The following ATP13A1 variants were observed in gnomAD, a reference collection of about 807,000 sequenced individuals.
ATP13A1 encodes the protein ATPase 13A1.
Under a neutral mutation model 134.8 loss-of-function variants are expected in ATP13A1, and 55 were observed. The ratio of observed to expected loss-of-function variants is 0.41; its 90% CI spans 0.33 to 0.51. ATP13A1 has a LOEUF of 0.51. Among genes scored for constraint, ATP13A1 ranks in the 20% least tolerant of loss-of-function variants. ATP13A1 has a pLI of 0.29. For missense variants in ATP13A1, 1,389 were observed against 1,652.8 expected (o/e 0.84, Z 2.77); for synonymous variants, 775 against 725.1 (o/e 1.07, Z -1.10).
rs752979959 is a variant in ATP13A1, at chr19:19,647,499, G to A, written c.2823C>T (p.Leu941=). 7 of 1,612,988 alleles carry A rather than the reference G, an allele frequency of 4.3e-6. No individual in the cohort carries two copies. Among genetic ancestry groups the A allele is most frequent in the Admixed American group, 3.3e-5 (2 of 59,868 alleles). The change falls in exon 21 of 26, where the codon CTC becomes CTT. Residue 941 remains leucine (L), a synonymous_variant. Coordinates refer to ENST00000357324, the MANE Select transcript of ATP13A1 (RefSeq NM_020410.3). The surrounding 1 kb of genome is among the most constrained non-coding windows in gnomAD (Gnocchi z 4.8). ...RDRLSQVLRD[L]EDESTPIVKL... is the part of the protein sequence containing the mutation. ...TCACAATGGGCGTACTCTCGTCCTC[G>A]AGGTCTCGCAGCACCTGGCTCAGGC...
chr19:19,645,271 G>T lies in ATP13A1; in HGVS notation c.*151C>A. On this transcript the variant is annotated 3_prime_UTR_variant, in exon 26 of 26. Coordinates refer to ENST00000357324, the MANE Select transcript of ATP13A1 (RefSeq NM_020410.3). The surrounding 1 kb of genome is among the most constrained non-coding windows in gnomAD (Gnocchi z 4.1). The stretch of plus-strand genomic sequence containing the variant: ...GGCTGGTTCTGCTGGCCAAGCCAGC[G>T]GATGGCTGTGGGGGTCCCAGCTCAG... 1.2e-6 allele frequency: 1 copy of T among 836,104 alleles called. No homozygotes were observed. Among genetic ancestry groups the T allele is most frequent in the Non-Finnish European group, 1.9e-6 (1 of 536,664 alleles). 51.8% of individuals were successfully genotyped at this position (836,104 alleles called of 1,614,324 possible). A position where few individuals can be genotyped will look rare whatever the true frequency, so the allele number is the denominator to read the frequency against.
chr19:19,656,886 C>A lies in ATP13A1; in HGVS notation c.937G>T (p.Ala313Ser), dbSNP rs1316698214. The change falls in exon 6 of 26, where the codon GCC (alanine) becomes TCC (serine). Residue 313 changes from alanine to serine, a missense_variant. Physicochemically the swap from Ala to Ser is moderately conservative, Grantham distance 99. Transcript: ENST00000357324. This position sits in a 1 kb window ranked among gnomAD's most constrained non-coding sequence, Gnocchi z 4.6. Reference protein sequence around the residue: ...VYRSRKWRPIASDEIVPGDIV... With the variant: ...VYRSRKWRPISSDEIVPGDIV... ...TCCCCTGGTACGATCTCATCACTGGCAATGGGCCTCCACTTGCGGCTTCGG... is the reference window on the plus strand; with the variant it reads ...TCCCCTGGTACGATCTCATCACTGGAAATGGGCCTCCACTTGCGGCTTCGG... 1.2e-6 allele frequency: 2 copies of A among 1,612,512 alleles called. No homozygotes were observed. Among genetic ancestry groups the A allele is most frequent in the Non-Finnish European group, 1.7e-6 (2 of 1,179,390 alleles).
At position 19,647,736 on chromosome 19, in the gene ATP13A1, G is replaced by A. The variant is rs766437544; in HGVS notation, c.2656C>T (p.Pro886Ser). 1.2e-6 allele frequency: 2 copies of A among 1,604,002 alleles called. No homozygotes were observed. The highest frequency in any genetic ancestry group is 2.7e-5 in the African/African-American group (2 of 74,830). The change falls in exon 20 of 26, where the codon CCT becomes TCT. Residue 886 changes from proline (P) to serine (S), a missense_variant. Around this residue, in one of 4 missense-constraint regions of ATP13A1, gnomAD observed 121 missense variants for 104.9 expected, o/e 1.15. Transcript: ENST00000357324. This position sits in a 1 kb window ranked among gnomAD's most constrained non-coding sequence, Gnocchi z 4.8. ...CGTCGCCGCTCGACAACCCGCTCAG[G>A]GGCATTGGCCAAGAGCGCCACACCT... is the stretch of plus-strand genomic sequence containing the variant. ...DVGVALLANA[P>S]ERVVERRRRP...
Position 19,647,948 on chromosome 19 carries a change from T to G in ATP13A1, c.2633-189A>C, listed in dbSNP as rs551012853. On this transcript the variant is annotated intron_variant, in intron 19 of 25. Transcript: ENST00000357324. The surrounding 1 kb of genome is among the most constrained non-coding windows in gnomAD (Gnocchi z 4.8). ...CCGTGTTGCTTTCTACAAACTACTT[T>G]AAGAAAACAAACCACCAACAATAAA... Among the ~76,000 whole-genome samples, 1 of 152,206 alleles carries G rather than the reference T, an allele frequency of 6.6e-6. No individual in the cohort carries two copies. Among genetic ancestry groups the G allele is most frequent in the African/African-American group, 2.4e-5 (1 of 41,516 alleles).
rs552212810 is a variant in ATP13A1, at chr19:19,645,748, C to G, written c.3403G>C (p.Val1135Leu). 6.2e-7 allele frequency: 1 copy of G among 1,606,088 alleles called. No individual in the cohort carries two copies. The highest frequency in any genetic ancestry group is 1.3e-5 in the African/African-American group (1 of 74,836). ...MESLPENKPL[V>L]WSLAVSLLAI... ...AGGAGTGAAACTGCCAGACTCCACA[C>G]CAGGGGCTTGTTCTCGGGCAGGCTC... The change falls in exon 25 of 26, where the codon GTG becomes CTG. Residue 1135 changes from valine to leucine, a missense_variant. This residue lies in a region of ATP13A1 where 228 missense variants were observed against 321.0 expected (regional missense o/e 0.71). Transcript: ENST00000357324. This position sits in a 1 kb window ranked among gnomAD's most constrained non-coding sequence, Gnocchi z 4.1.
At position 19,647,061 on chromosome 19, in the gene ATP13A1, C is replaced by T. The variant is rs1232132538; in HGVS notation, c.3105+68G>A. 8.1e-6 allele frequency: 12 copies of T among 1,489,690 alleles called. No individual in the cohort carries two copies. Among genetic ancestry groups the T allele is most frequent in the East Asian group, 4.5e-5 (2 of 44,066 alleles). The allele number at this position is 1,489,690 out of a possible 1,614,324, so 92.3% of individuals were successfully genotyped here. On this transcript the variant is annotated intron_variant, in intron 22 of 25. Transcript: ENST00000357324. This position sits in a 1 kb window ranked among gnomAD's most constrained non-coding sequence, Gnocchi z 4.8. ...CCTGTAACTTGGGGATGACAATTCC[C>T]GTGCCTATATCAGCCTGGCCCTGGC...
chr19:19,655,015 G>C lies in ATP13A1; in HGVS notation c.1655+104C>G. ...GAAATGAACCCGAGGCAGGGCCTCT[G>C]ACGGGCCCTCACTGCAAGGGCTTGG... On this transcript the variant is annotated intron_variant, in intron 12 of 25. Transcript: ENST00000357324. The surrounding 1 kb of genome is among the most constrained non-coding windows in gnomAD (Gnocchi z 5.7). The C allele has an allele frequency of 6.7e-7, 1 of 1,498,676 alleles. No homozygotes were observed. The highest frequency in any genetic ancestry group is 1.3e-5 in the South Asian group (1 of 79,184). The allele number at this position is 1,498,676 out of a possible 1,614,324, so 92.8% of individuals were successfully genotyped here.
At chr19:19,646,926 G>T (rs974344195) in intron 22 of ATP13A1, 2 of 605,208 alleles carry the variant, frequency 3.3e-6, no homozygotes, top group Non-Finnish European at 5.7e-6. Context: ...GGACAGGTGT[G>T]GACGCCAAGC....
Position 19,649,671 on chromosome 19 carries a change from G to A in ATP13A1, c.2536-8C>T, listed in dbSNP as rs1157252177. The A allele has an allele frequency of 1.2e-6, 2 of 1,613,848 alleles. No individual in the cohort carries two copies. Among genetic ancestry groups the A allele is most frequent in the East Asian group, 2.2e-5 (1 of 44,886 alleles). ...GCTGGTGATGACAAACTCCTGTATG[G>A]GCGGAGACAGGCTGAGCAGGGGCTG... is the stretch of plus-strand genomic sequence containing the variant. On this transcript the variant is annotated splice_region_variant and splice_polypyrimidine_tract_variant and intron_variant, in intron 18 of 25. Coordinates refer to ENST00000357324, the MANE Select transcript of ATP13A1 (RefSeq NM_020410.3).
In ATP13A1 at chr19:19,648,187, C is replaced by T. The variant is rs531104722; in HGVS notation, c.2633-428G>A. Reference sequence around the variant, plus strand: ...TACAAAAATTAGCCAGGGGTGGTGGCATGTGCCTGTAATTCCAGCTACTCG... The same window carrying T: ...TACAAAAATTAGCCAGGGGTGGTGGTATGTGCCTGTAATTCCAGCTACTCG... On this transcript the variant is annotated intron_variant, in intron 19 of 25. Transcript: ENST00000357324. Among the ~76,000 whole-genome samples, 132 of 152,118 alleles carry T rather than the reference C, an allele frequency of 8.7e-4. 1 individual carries two copies. Among genetic ancestry groups the T allele is most frequent in the Non-Finnish European group, 1.8e-3 (120 of 68,018 alleles).
At chr19:19,646,614 G>T in intron 22 of ATP13A1, 1 of 524,198 alleles carries the variant, frequency 1.9e-6, no homozygotes, top group East Asian at 3.3e-5. Context: ...AGCAGATCCT[G>T]CCCTCCCTGG....
At chr19:19,646,615 C>T (rs1042213328) in intron 22 of ATP13A1, 2 of 535,774 alleles carry the variant, frequency 3.7e-6, no homozygotes, top group African/African-American at 3.8e-5. Context: ...GCAGATCCTG[C>T]CCTCCCTGGA....
Position 19,651,672 on chromosome 19 carries a change from C to T in ATP13A1, c.2335+17G>A, listed in dbSNP as rs1345811049. Reference sequence around the variant, plus strand: ...CAGGGTCCCCCTTCCCCACTGTGGGCCAGGCTAGGGCCTCACCTTTCTCGG... The same window carrying T: ...CAGGGTCCCCCTTCCCCACTGTGGGTCAGGCTAGGGCCTCACCTTTCTCGG... On this transcript the variant is annotated intron_variant, in intron 17 of 25. Coordinates refer to ENST00000357324, the MANE Select transcript of ATP13A1 (RefSeq NM_020410.3). 6.3e-7 allele frequency: 1 copy of T among 1,596,326 alleles called. No homozygotes were observed.
At position 19,656,871 on chromosome 19, in the gene ATP13A1, C is replaced by A; in HGVS notation, c.952G>T (p.Val318Leu). ...CCGATGGAGACGATGTCCCCTGGTA[C>A]GATCTCATCACTGGCAATGGGCCTC... ...KWRPIASDEI[V>L]PGDIVSIGRS... is the part of the protein sequence containing the mutation. The change falls in exon 6 of 26, where the codon GTA (valine) becomes TTA (leucine). Residue 318 changes from valine (V) to leucine (L), a missense_variant. Val to Leu is a conservative substitution (Grantham distance 32, BLOSUM62 1). Transcript: ENST00000357324. The surrounding 1 kb of genome is among the most constrained non-coding windows in gnomAD (Gnocchi z 4.6). 1 of 1,612,554 alleles carries A rather than the reference C, an allele frequency of 6.2e-7. No individual in the cohort carries two copies. Among genetic ancestry groups the A allele is most frequent in the Non-Finnish European group, 8.5e-7 (1 of 1,179,400 alleles).
Position 19,647,484 on chromosome 19 carries a change from C to T in ATP13A1, c.2838G>A (p.Thr946=), listed in dbSNP as rs768506622. 44 of 1,613,240 alleles carry T rather than the reference C, an allele frequency of 2.7e-5. 2 individuals are homozygous for T. The South Asian group carries it at 3.5e-4, about 13-fold the overall frequency. Residue 946 remains threonine (T), a synonymous_variant, in exon 21 of 26, where the codon ACG becomes ACA. Transcript: ENST00000357324. The surrounding 1 kb of genome is among the most constrained non-coding windows in gnomAD (Gnocchi z 4.8). ...TGGCATCCCCCAGTTTCACAATGGG[C>T]GTACTCTCGTCCTCGAGGTCTCGCA... ...QVLRDLEDES[T]PIVKLGDASI... is the part of the protein sequence containing the mutation.
chr19:19,658,466 G>A (rs1208174805), intron 3 of ATP13A1, among the ~76,000 whole-genome samples: 2 of 152,198 alleles, frequency 1.3e-5, no homozygotes, highest in Non-Finnish European at 2.9e-5. Flanking sequence ...CCAACCTTGG[G>A]GTAGGGGAAG....
chr19:19,655,481 A>C lies in ATP13A1; in HGVS notation c.1397-28T>G. ...GTGGAGACAGGGCCTGCCAACCTGG[A>C]GCCTCGGAGGGTGGGCGCAGGGGAC... On this transcript the variant is annotated intron_variant, in intron 10 of 25. Transcript: ENST00000357324. This position sits in a 1 kb window ranked among gnomAD's most constrained non-coding sequence, Gnocchi z 5.7. The C allele has an allele frequency of 6.2e-7, 1 of 1,613,874 alleles. No homozygotes were observed. Among genetic ancestry groups the C allele is most frequent in the East Asian group, 2.2e-5 (1 of 44,882 alleles).
In ATP13A1 at chr19:19,647,711, C is replaced by A. The variant is rs776167538; in HGVS notation, c.2681G>T (p.Arg894Leu). The A allele has an allele frequency of 6.2e-7, 1 of 1,607,728 alleles. No homozygotes were observed. The highest frequency in any genetic ancestry group is 8.5e-7 in the Non-Finnish European group (1 of 1,178,316). The change falls in exon 20 of 26, where the codon CGG (arginine) becomes CTG (leucine). Residue 894 changes from arginine to leucine, a missense_variant. Physicochemically the swap from Arg to Leu is moderately radical, Grantham distance 102. Coordinates refer to ENST00000357324, the MANE Select transcript of ATP13A1 (RefSeq NM_020410.3). This position sits in a 1 kb window ranked among gnomAD's most constrained non-coding sequence, Gnocchi z 4.8. ...NAPERVVERR[R>L]RPRDSPTLSN... ...CAGGGTTGGGCTGTCCCGGGGCCGCCGTCGCCGCTCGACAACCCGCTCAGG... is the reference window on the plus strand; with the variant it reads ...CAGGGTTGGGCTGTCCCGGGGCCGCAGTCGCCGCTCGACAACCCGCTCAGG...
chr19:19,653,033 A>C lies in ATP13A1; in HGVS notation c.2101-313T>G. ...CAATGAAGTAGGGACTCTCCCAATA[A>C]TGTTGGAGTTTAGCCAGGAACTCTT... On this transcript the variant is annotated intron_variant, in intron 15 of 25. Coordinates refer to ENST00000357324, the MANE Select transcript of ATP13A1 (RefSeq NM_020410.3). The surrounding 1 kb of genome is among the most constrained non-coding windows in gnomAD (Gnocchi z 4.2). 10 of 324,360 alleles carry C rather than the reference A, an allele frequency of 3.1e-5. No homozygotes were observed. The highest frequency in any genetic ancestry group is 3.5e-5 in the Non-Finnish European group (6 of 172,782). The allele number at this position is 324,360 out of a possible 1,614,324, so 20.1% of individuals were successfully genotyped here.
Sources: allele counts gnomAD v4.1 joint callset (sites outside exome capture counted in the v4.1 genomes callset), GRCh38; gene constraint gnomAD v4.1.1; regional missense constraint gnomAD v4.1.1; non-coding constraint Gnocchi (gnomAD v3.1); transcripts MANE v1.5; gene names NCBI Gene and HGNC (gene_info 2026-07-23, HGNC 2026-07-21).